Variants in CSMD1 observed in about 807,000 individuals in gnomAD.
CSMD1 encodes CUB and sushi domain-containing protein 1.
Under a neutral mutation model 417.5 loss-of-function variants are expected in CSMD1, and 213 were observed. The ratio of observed to expected loss-of-function variants is 0.51; its 90% CI spans 0.46 to 0.57. The LOEUF is 0.57. Ranked by LOEUF, CSMD1 falls within the 20% of genes least tolerant of loss-of-function variation. The probability of loss-of-function intolerance (pLI) is 0.00; values close to 1 mark genes in which losing one functional copy is unlikely to be tolerated. For synonymous variants in CSMD1, 2,862 were observed against 1,736.8 expected, an observed-to-expected ratio of 1.65 and a Z score of -16.11; for missense variants, 6,923 against 4,529.7, an observed-to-expected ratio of 1.53 and a Z score of -15.17.
intron 69 of CSMD1, among the ~76,000 whole-genome samples, chr8:2,940,289 G>C (rs536680038): frequency 5.9e-5 from 9 of 152,300 alleles, no homozygotes; most frequent in African/African-American, 1.9e-4. Context: ...CTATGGCACA[G>C]AAGTAGAGAA....
chr8:4,318,496 C>G (rs1408458656), intron 3 of CSMD1, among the ~76,000 whole-genome samples: 2 of 151,936 alleles, frequency 1.3e-5, no homozygotes, highest in East Asian at 1.9e-4. Context: ...CATTCAGGAC[C>G]TACTCAACTG....
chr8:4,961,476 C>A (rs73515815), intron 1 of CSMD1, among the ~76,000 whole-genome samples: 1 of 152,086 alleles, frequency 6.6e-6, no homozygotes, highest in Non-Finnish European at 1.5e-5. Context: ...GAAACATATT[C>A]TCCAATGACA....
intron 3 of CSMD1, among the ~76,000 whole-genome samples, chr8:4,390,771 G>C (rs947629746): frequency 1.3e-5 from 2 of 151,726 alleles, no homozygotes; most frequent in African/African-American, 4.8e-5. Flanking sequence ...TCAATCTTCT[G>C]ACCTCGTGAT....
intron 3 of CSMD1, among the ~76,000 whole-genome samples, chr8:4,201,348 G>A (rs993939529): frequency 6.6e-6 from 1 of 151,912 alleles, no homozygotes; most frequent in African/African-American, 2.4e-5. Flanking sequence ...ACCATCTTGG[G>A]TAACACGGTG....
chr8:3,582,164 T>A (rs1228767575), intron 9 of CSMD1, among the ~76,000 whole-genome samples: 1 of 152,240 alleles, frequency 6.6e-6, no homozygotes, highest in Non-Finnish European at 1.5e-5. Flanking sequence ...AAATGGTCCC[T>A]GCTGTACCGA....
intron 18 of CSMD1, among the ~76,000 whole-genome samples, chr8:3,370,214 G>A (rs13268027): frequency 0.089 from 13,560 of 152,114 alleles, 633 homozygotes; most frequent in Middle Eastern, 0.13. Flanking sequence ...ACACGTTCCC[G>A]CCAACTTTCT....
At position 2,962,516 on chromosome 8, in the gene CSMD1, C is replaced by T. The variant is rs1461824559; in HGVS notation, c.9578G>A (p.Arg3193Lys). Residue 3193 changes from arginine (R) to lysine (K), a missense_variant, in exon 61 of 70, where the codon AGA becomes AAA. Transcript: ENST00000635120. ...SPFILVGSSR[R>K]VCQADGTWSG... ...CCACGTGCCGTCAGCTTGGCAGACT[C>T]TTCTGGAGGATCCCACGAGTATAAA... 6.2e-7 allele frequency: 1 copy of T among 1,613,934 alleles called. No individual in the cohort carries two copies. Among genetic ancestry groups the T allele is most frequent in the Non-Finnish European group, 8.5e-7 (1 of 1,179,864 alleles).
chr8:4,330,922 G>T (rs1305033337), intron 3 of CSMD1, among the ~76,000 whole-genome samples: 1 of 152,022 alleles, frequency 6.6e-6, no homozygotes, highest in Non-Finnish European at 1.5e-5. Context: ...ACCCTACATT[G>T]GATTCACTTT....
chr8:3,689,316 G>C (rs1800113077), intron 7 of CSMD1, among the ~76,000 whole-genome samples: 2 of 152,150 alleles, frequency 1.3e-5, no homozygotes, highest in South Asian at 4.1e-4. Context: ...GCCATCTCCA[G>C]ATGATCTAGT....
chr8:3,351,610 A>G (rs1179819908), intron 21 of CSMD1, among the ~76,000 whole-genome samples: 2 of 150,536 alleles, frequency 1.3e-5, no homozygotes, highest in African/African-American at 2.4e-5. Context: ...AAAAAAAAAA[A>G]AAAGAAAAGA....
chr8:4,739,897 G>GT (rs1365352790), intron 1 of CSMD1, among the ~76,000 whole-genome samples: 6 of 152,032 alleles, frequency 3.9e-5, no homozygotes, highest in African/African-American at 1.4e-4. Context: ...ATTGACAGCC[G>GT]TTTCTCCACC....
intron 48 of CSMD1, among the ~76,000 whole-genome samples, chr8:3,089,473 C>A (rs1814779420): frequency 6.6e-6 from 1 of 152,192 alleles, no homozygotes; most frequent in South Asian, 2.1e-4. Flanking sequence ...TATGATGATT[C>A]ATTATATTGC....
chr8:4,932,415 A>G (rs1807307735), intron 1 of CSMD1, among the ~76,000 whole-genome samples: 1 of 152,122 alleles, frequency 6.6e-6, no homozygotes, highest in Non-Finnish European at 1.5e-5. Flanking sequence ...CTGTGAGGTG[A>G]AGACACGAAG....
chr8:4,453,589 G>T (rs938303822), intron 2 of CSMD1, among the ~76,000 whole-genome samples: 1 of 152,050 alleles, frequency 6.6e-6, no homozygotes, highest in Non-Finnish European at 1.5e-5. Context: ...TTGAACAATT[G>T]AACTGCTGTG....
At chr8:4,129,179 C>T (rs1802944981) in intron 3 of CSMD1, among the ~76,000 whole-genome samples, 2 of 151,782 alleles carry the variant, frequency 1.3e-5, no homozygotes, top group South Asian at 4.2e-4. Context: ...CCTCTTCTTC[C>T]ACTTTCAACA....
At chr8:4,833,518 C>T (rs1259826574) in intron 1 of CSMD1, among the ~76,000 whole-genome samples, 2 of 152,318 alleles carry the variant, frequency 1.3e-5, no homozygotes, top group South Asian at 2.1e-4. Context: ...CAGAGCCAAA[C>T]CCTATCACCC....
chr8:4,354,626 C>A (rs889121951), intron 3 of CSMD1, among the ~76,000 whole-genome samples: 1 of 152,030 alleles, frequency 6.6e-6, no homozygotes, highest in South Asian at 2.1e-4. Flanking sequence ...AAGAACGTGT[C>A]TACTCAAAAA....
intron 1 of CSMD1, among the ~76,000 whole-genome samples, chr8:4,922,553 G>A (rs932811002): frequency 1.5e-4 from 23 of 152,104 alleles, no homozygotes; most frequent in Non-Finnish European, 2.9e-4. Context: ...CAGTTTTTAA[G>A]TGCACATATT....
intron 10 of CSMD1, among the ~76,000 whole-genome samples, chr8:3,541,313 G>A (rs1360523330): frequency 6.6e-6 from 1 of 152,152 alleles, no homozygotes; most frequent in African/African-American, 2.4e-5. Context: ...ACTTATAAGT[G>A]GGAGCTGAAC....
Sources: gnomAD v4.1 joint callset for allele counts (sites outside exome capture counted in the v4.1 genomes callset) on GRCh38, gnomAD v4.1.1 for gene constraint, MANE v1.5 for transcripts, NCBI Gene and HGNC (gene_info 2026-07-23, HGNC 2026-07-21) for gene names.